The following AZU1 variants were observed in gnomAD, a reference collection of about 807,000 sequenced individuals.
AZU1 encodes the protein azurocidin 1.
A neutral mutation model predicts 17.8 loss-of-function variants in AZU1; 21 were observed. The ratio of observed to expected loss-of-function variants is 1.18; its 90% CI spans 0.84 to 1.70. The LOEUF is 1.70. AZU1 is among the 40% of genes most tolerant of loss of function. The probability of loss-of-function intolerance (pLI) is 0.00; values close to 1 mark genes in which losing one functional copy is unlikely to be tolerated. For synonymous variants in AZU1, 178 were observed against 155.2 expected, an observed-to-expected ratio of 1.15 and a Z score of -1.09; for missense variants, 379 against 362.9, an observed-to-expected ratio of 1.04 and a Z score of -0.36.
intron 2 of AZU1, 130 bp from the exon 3 acceptor site, chr19:829,431 AG>A: frequency 7.8e-7 from 1 of 1,287,156 alleles, no homozygotes; most frequent in Non-Finnish European, 1.1e-6. Flanking sequence ...CTTCTGTAAA[AG>A]CGGGGGAGTT....
In AZU1 at chr19:831,856, C is replaced by A. The variant is rs558823414; in HGVS notation, c.735C>A (p.Asn245Lys). The stretch of plus-strand genomic sequence containing the variant: ...ACTGGATCGATGGTGTTCTCAACAA[C>A]CCGGGACCGGGGCCAGCCTAGGGGG... ...FRDWIDGVLN[N>K]PGPGPA The change falls in exon 5 of 5, where the codon AAC (asparagine) becomes AAA (lysine). Residue 245 changes from asparagine (N) to lysine (K), a missense_variant. By Grantham distance (94) the Asn-to-Lys change is moderately conservative. Coordinates refer to ENST00000233997, the MANE Select transcript of AZU1 (RefSeq NM_001700.5). 4 of 1,612,350 alleles carry A rather than the reference C, an allele frequency of 2.5e-6. No homozygotes were observed. The South Asian group carries it at 4.4e-5, about 18-fold the overall frequency.
At position 830,888 on chromosome 19, in the gene AZU1, C is replaced by G; in HGVS notation, c.541C>G (p.Arg181Gly). The change falls in exon 4 of 5, where the codon CGC becomes GGC. Residue 181 changes from arginine (R) to glycine (G), a missense_variant. Physicochemically the swap from Arg to Gly is moderately radical, Grantham distance 125 (BLOSUM62 -2). Coordinates refer to ENST00000233997, the MANE Select transcript of AZU1 (RefSeq NM_001700.5). ...GACTGTGACCCCCGAGGACCAGTGTCGCCCCAACAACGTGTGCACCGGTGT... is the reference window on the plus strand; with the variant it reads ...GACTGTGACCCCCGAGGACCAGTGTGGCCCCAACAACGTGTGCACCGGTGT... ...NVTVTPEDQC[R>G]PNNVCTGVLT... The G allele has an allele frequency of 6.2e-7, 1 of 1,605,952 alleles. No individual in the cohort carries two copies. The highest frequency in any genetic ancestry group is 1.7e-5 in the Admixed American group (1 of 60,016).
chr19:832,008 C>T lies in AZU1; in HGVS notation c.*131C>T, dbSNP rs531504395. ...CCCTGGCTGTAATAAAGAAGCCGAT[C>T]TCTCCTCTGCTCCTGGTTTCTGTTC... On this transcript the variant is annotated 3_prime_UTR_variant, in exon 5 of 5. Transcript: ENST00000233997. 39 of 1,148,738 alleles carry T rather than the reference C, an allele frequency of 3.4e-5. No homozygotes were observed. The Admixed American group carries it at 6.7e-4, about 20-fold the overall frequency. 71.2% of individuals were successfully genotyped at this position (1,148,738 alleles called of 1,614,324 possible).
At position 831,696 on chromosome 19, in the gene AZU1, C is replaced by G. The variant is rs1257173745; in HGVS notation, c.595-20C>G. On this transcript the variant is annotated intron_variant, in intron 4 of 4. Transcript: ENST00000233997. ...GGAGCCAGGCCCTGGGACGCCCTGA[C>G]ACAGCTGCTGCCTGCCCAGGGGGAC... is the stretch of plus-strand genomic sequence containing the variant. The G allele has an allele frequency of 6.3e-7, 1 of 1,579,682 alleles. No individual in the cohort carries two copies. The highest frequency in any genetic ancestry group is 1.2e-5 in the South Asian group (1 of 86,670).
chr19:830,809 G>A lies in AZU1; in HGVS notation c.462G>A (p.Trp154Ter), dbSNP rs755484616. The A allele has an allele frequency of 6.2e-7, 1 of 1,607,190 alleles. No individual in the cohort carries two copies. The highest frequency in any genetic ancestry group is 8.5e-7 in the Non-Finnish European group (1 of 1,179,950). The change falls in exon 4 of 5, where the codon TGG becomes TGA. Residue 154 changes from tryptophan to a stop codon, truncating the protein, a stop_gained. Coordinates refer to ENST00000233997, the MANE Select transcript of AZU1 (RefSeq NM_001700.5). LOFTEE classifies it high-confidence loss of function. ...GCACCAGATGCCAGGTGGCCGGCTG[G>A]GGGAGCCAGCGCAGTGGGGGGCGTC... is the stretch of plus-strand genomic sequence containing the variant. ...EAGTRCQVAG[W>*]GSQRSGGRLS...
intron 4 of AZU1, 124 bp from the exon 5 acceptor site, chr19:831,592 A>G (rs1393781416): frequency 5.3e-6 from 6 of 1,121,610 alleles, no homozygotes; most frequent in African/African-American, 3.2e-5. Flanking sequence ...GAGAAGAGCC[A>G]TGCAAAGGCC....
chr19:827,897 G>T lies in AZU1; in HGVS notation c.51G>T (p.Ser17=). 6.5e-7 allele frequency: 1 copy of T among 1,537,108 alleles called. No individual in the cohort carries two copies. Among genetic ancestry groups the T allele is most frequent in the Non-Finnish European group, 8.7e-7 (1 of 1,147,274 alleles). The change falls in exon 1 of 5, where the codon TCG becomes TCT. Residue 17 remains serine, a synonymous_variant. Coordinates refer to ENST00000233997, the MANE Select transcript of AZU1 (RefSeq NM_001700.5). ...TGCTGGCTGGTCTGCTGGCGTCCTC[G>T]AGGGCCGGTGAGTGCCTCTCTGTGC... ...LALLAGLLAS[S]RAGSSPLLDI...
In AZU1 at chr19:829,709, G is replaced by A; in HGVS notation, c.360+3G>A. ...TGAACGACCTGATGCTGCTTCAGGT[G>A]AGAGGATGGTGCCACCTGTGATCCC... is the stretch of plus-strand genomic sequence containing the variant. On this transcript the variant is annotated splice_donor_region_variant and intron_variant, in intron 3 of 4. Transcript: ENST00000233997. 1.2e-6 allele frequency: 2 copies of A among 1,612,900 alleles called. No individual in the cohort carries two copies. The highest frequency in any genetic ancestry group is 1.7e-6 in the Non-Finnish European group (2 of 1,179,686).
Position 828,949 on chromosome 19 carries a change from C to T in AZU1, c.215+563C>T, listed in dbSNP as rs1207538605. Reference sequence around the variant, plus strand: ...GGAGGTGCGGAGAAGGGAAGGGGGTCAGATGGAGGAGGTGCAGAGAAGGGA... The same window carrying T: ...GGAGGTGCGGAGAAGGGAAGGGGGTTAGATGGAGGAGGTGCAGAGAAGGGA... On this transcript the variant is annotated intron_variant, in intron 2 of 4. Coordinates refer to ENST00000233997, the MANE Select transcript of AZU1 (RefSeq NM_001700.5). Among the ~76,000 whole-genome samples the T allele has an allele frequency of 2.9e-5, 3 of 103,470 alleles. 1 individual carries two copies. Among genetic ancestry groups the T allele is most frequent in the African/African-American group, 8.1e-5 (2 of 24,582 alleles). 67.9% of individuals were successfully genotyped at this position (103,470 alleles called of 152,430 possible).
chr19:829,776 A>T, intron 3 of AZU1, 70 bp downstream of exon 3: 1 of 1,564,982 alleles, frequency 6.4e-7, no homozygotes, highest in Non-Finnish European at 8.7e-7. Flanking sequence ...AACAAGTCCA[A>T]ACTTGGTCTC....
intron 2 of AZU1, among the ~76,000 whole-genome samples, chr19:829,165 ATAAGGGAATGGGGTCAGATGGG>A (rs1568292131): frequency 5.3e-5 from 4 of 76,132 alleles, no homozygotes; most frequent in Non-Finnish European, 7.3e-5. Context: ...GGAGGCCCAG[ATAAGGGAATGGGGTCAGATGGG>A]GGAGGTGCAG....
In AZU1 at chr19:830,616, C is replaced by T. The variant is rs543204178; in HGVS notation, c.361-92C>T. ...TTAAACGCAAACCACTTACAGACTA[C>T]AGTTAATGTCGCTGACACTTCTGCT... is the stretch of plus-strand genomic sequence containing the variant. On this transcript the variant is annotated intron_variant, in intron 3 of 4. Coordinates refer to ENST00000233997, the MANE Select transcript of AZU1 (RefSeq NM_001700.5). 2.8e-5 allele frequency: 31 copies of T among 1,104,624 alleles called. No individual in the cohort carries two copies. The East Asian group carries it at 7.2e-4, about 26-fold the overall frequency. The allele number at this position is 1,104,624 out of a possible 1,614,324, so 68.4% of individuals were successfully genotyped here. A position where few individuals can be genotyped will look rare whatever the true frequency, so the allele number is the denominator to read the frequency against.
chr19:829,199 G>T (rs34157960), intron 2 of AZU1, among the ~76,000 whole-genome samples: 104 of 57,484 alleles, frequency 1.8e-3, no homozygotes, highest in African/African-American at 2.5e-3. Flanking sequence ...GAGGTGCAGA[G>T]AAGGGAAGGG....
intron 4 of AZU1, chr19:831,433 G>C (rs927355592): frequency 2.2e-6 from 1 of 452,152 alleles, no homozygotes; most frequent in Non-Finnish European, 3.9e-6. Flanking sequence ...TGGGGGTTGG[G>C]GACCCAGCAG....
intron 1 of AZU1, 68 bp from the exon 2 acceptor site, chr19:828,162 G>A: frequency 2.0e-6 from 3 of 1,507,550 alleles, no homozygotes; most frequent in Admixed American, 2.0e-5. Flanking sequence ...TGAGGCTGCA[G>A]CTTCACACGC....
chr19:830,997 G>T lies in AZU1; in HGVS notation c.594+56G>T. 2.0e-6 allele frequency: 3 copies of T among 1,533,630 alleles called. No individual in the cohort carries two copies. The Admixed American group carries it at 5.2e-5, about 27-fold the overall frequency. ...CCTGAGAGGTACTGAGCTCTCCGTG[G>T]CAGGAGAAAGCAAGTGCAGGCTGAG... On this transcript the variant is annotated intron_variant, in intron 4 of 4. Coordinates refer to ENST00000233997, the MANE Select transcript of AZU1 (RefSeq NM_001700.5).
intron 4 of AZU1, 138 bp from the exon 5 acceptor site, chr19:831,577 AG>A: frequency 1.0e-6 from 1 of 978,972 alleles, no homozygotes; most frequent in Non-Finnish European, 1.5e-6. Context: ...ACCAGGGCAG[AG>A]AAAGAGAAGA....
At position 829,628 on chromosome 19, in the gene AZU1, C is replaced by G. The variant is rs767623586; in HGVS notation, c.282C>G (p.Arg94=). Residue 94 remains arginine (R), a synonymous_variant, in exon 3 of 5, where the codon CGC becomes CGG. Transcript: ENST00000233997. ...YDLRRRERQS[R]QTFSISSMSE... is the part of the protein sequence containing the mutation. ...TGAGGCGGCGGGAGAGGCAGTCCCGCCAGACGTTTTCCATCAGCAGCATGA... is the reference window on the plus strand; with the variant it reads ...TGAGGCGGCGGGAGAGGCAGTCCCGGCAGACGTTTTCCATCAGCAGCATGA... The G allele has an allele frequency of 1.9e-6, 3 of 1,613,360 alleles. No homozygotes were observed. Among genetic ancestry groups the G allele is most frequent in the Non-Finnish European group, 2.5e-6 (3 of 1,179,954 alleles).
Position 830,836 on chromosome 19 carries a change from C to T in AZU1, c.489C>T (p.Leu163=). Reference sequence around the variant, plus strand: ...GGAGCCAGCGCAGTGGGGGGCGTCTCTCCCGTTTTCCCAGGTTTGTCAACG... The same window carrying T: ...GGAGCCAGCGCAGTGGGGGGCGTCTTTCCCGTTTTCCCAGGTTTGTCAACG... The part of the protein sequence containing the change: ...GWGSQRSGGR[L]SRFPRFVNVT... The change falls in exon 4 of 5, where the codon CTC becomes CTT. Residue 163 remains leucine (L), a synonymous_variant. Transcript: ENST00000233997. 3 of 1,608,322 alleles carry T rather than the reference C, an allele frequency of 1.9e-6. No individual in the cohort carries two copies. The highest frequency in any genetic ancestry group is 2.5e-6 in the Non-Finnish European group (3 of 1,179,986).
Sources: gnomAD v4.1 joint callset for allele counts (sites outside exome capture counted in the v4.1 genomes callset) on GRCh38, gnomAD v4.1.1 for gene constraint, MANE v1.5 for transcripts, NCBI Gene and HGNC (gene_info 2026-07-23, HGNC 2026-07-21) for gene names.